The following ZBTB16 variants were observed in gnomAD, a reference collection of about 807,000 sequenced individuals.
ZBTB16 encodes zinc finger and BTB domain containing 16.
ZBTB16 carries 8 observed loss-of-function variants against 56.8 expected under a neutral mutation model. That is an observed-to-expected ratio of 0.14 (90% CI 0.08 to 0.25). The LOEUF (loss-of-function observed/expected upper bound fraction) is 0.25. Among genes scored for constraint, ZBTB16 ranks in the 10% least tolerant of loss-of-function variants. ZBTB16 has a pLI of 1.00. For missense variants in ZBTB16, 625 were observed against 903.0 expected (o/e 0.69, Z 3.95); for synonymous variants, 363 against 368.5 (o/e 0.98, Z 0.17).
At chr11:114,248,547 C>G (rs1944858064) in intron 6 of ZBTB16, among the ~76,000 whole-genome samples, 1 of 152,180 alleles carries the variant, frequency 6.6e-6, no homozygotes, top group Admixed American at 6.5e-5. Flanking sequence ...AGCTGGAAAA[C>G]AAAGACGCCC....
intron 4 of ZBTB16, among the ~76,000 whole-genome samples, chr11:114,211,851 G>C (rs1944003862): frequency 1.3e-5 from 2 of 152,222 alleles, no homozygotes; most frequent in Admixed American, 6.5e-5. Flanking sequence ...GATCTGGCCA[G>C]GCCTGGTTCG....
intron 3 of ZBTB16, among the ~76,000 whole-genome samples, chr11:114,157,134 A>AT (rs1942436735): frequency 6.6e-6 from 1 of 152,048 alleles, no homozygotes; most frequent in African/African-American, 2.4e-5. Flanking sequence ...CCTTGGAGTC[A>AT]TTTTTTAGGG....
At chr11:114,127,261 C>A (rs1463876756) in intron 2 of ZBTB16, among the ~76,000 whole-genome samples, 1 of 152,178 alleles carries the variant, frequency 6.6e-6, no homozygotes, top group African/African-American at 2.4e-5. Context: ...CTAGACGTCT[C>A]TTCTCTTCCA....
Position 114,100,076 on chromosome 11 carries a change from A to G in ZBTB16, c.1268+35508A>G, listed in dbSNP as rs373667565. 2.6e-3 allele frequency among the ~76,000 whole-genome samples: 401 copies of G among 152,356 alleles called. 2 individuals are homozygous for G. The highest frequency in any genetic ancestry group is 9.1e-3 in the African/African-American group (380 of 41,584). ...CTGCATTCTTGAGTTGGTGCCCTGC[A>G]CTGGGATTCCCATGGACTGGGAACA... is the stretch of plus-strand genomic sequence containing the variant. On this transcript the variant is annotated intron_variant, in intron 2 of 6. Transcript: ENST00000335953.
At chr11:114,228,207 TA>T (rs1944368456) in intron 4 of ZBTB16, among the ~76,000 whole-genome samples, 1 of 152,234 alleles carries the variant, frequency 6.6e-6, no homozygotes, top group South Asian at 2.1e-4. Flanking sequence ...CCATTTGTAA[TA>T]TAGAAATATG....
intron 4 of ZBTB16, among the ~76,000 whole-genome samples, chr11:114,231,810 A>G (rs1944445998): frequency 6.6e-6 from 1 of 152,212 alleles, no homozygotes; most frequent in Non-Finnish European, 1.5e-5. Context: ...AGTGGGAGAA[A>G]GGACCATTCA....
At chr11:114,116,752 A>G (rs1019939052) in intron 2 of ZBTB16, among the ~76,000 whole-genome samples, 1 of 152,170 alleles carries the variant, frequency 6.6e-6, no homozygotes, top group African/African-American at 2.4e-5. Context: ...CCCTAAGACA[A>G]TTGGTAAATG....
intron 2 of ZBTB16, among the ~76,000 whole-genome samples, chr11:114,109,537 C>T (rs1940928030): frequency 6.6e-6 from 1 of 152,180 alleles, no homozygotes; most frequent in South Asian, 2.1e-4. Flanking sequence ...TAGTTCCTTC[C>T]ATTGCCCCGA....
chr11:114,249,771 C>CATAAAAAAAAA (rs1944884821), intron 6 of ZBTB16, among the ~76,000 whole-genome samples: 1 of 59,336 alleles, frequency 1.7e-5, no homozygotes, highest in Non-Finnish European at 2.8e-5. Flanking sequence ...GACTCCGTCT[C>CATAAAAAAAAA]AAAAAAAAAA....
At chr11:114,220,023 C>T (rs972591746) in intron 4 of ZBTB16, among the ~76,000 whole-genome samples, 8 of 152,160 alleles carry the variant, frequency 5.3e-5, no homozygotes, top group Non-Finnish European at 5.9e-5. Flanking sequence ...TTGTCCCAGA[C>T]GAACTTCTCC....
At chr11:114,075,930 G>C (rs1939544889) in intron 2 of ZBTB16, among the ~76,000 whole-genome samples, 1 of 152,158 alleles carries the variant, frequency 6.6e-6, no homozygotes, top group Non-Finnish European at 1.5e-5. Context: ...TTCTAAGTGT[G>C]ATTTTTGCAG....
chr11:114,185,935 A>T (rs1157244379), intron 3 of ZBTB16, among the ~76,000 whole-genome samples: 3 of 152,236 alleles, frequency 2.0e-5, no homozygotes, highest in Non-Finnish European at 4.4e-5. Context: ...TATTTATTCC[A>T]CAAATATGTA....
intron 2 of ZBTB16, among the ~76,000 whole-genome samples, chr11:114,084,173 T>C (rs1039872467): frequency 3.3e-5 from 5 of 152,156 alleles, no homozygotes; most frequent in Non-Finnish European, 7.3e-5. Flanking sequence ...GCTGCAGTTA[T>C]TTTATTTTAT....
At chr11:114,104,609 G>A (rs185685506) in intron 2 of ZBTB16, among the ~76,000 whole-genome samples, 15 of 152,318 alleles carry the variant, frequency 9.8e-5, no homozygotes, top group African/African-American at 3.4e-4. Context: ...ATCAGATTCA[G>A]TGAAGGGATG....
intron 6 of ZBTB16, among the ~76,000 whole-genome samples, chr11:114,248,219 A>G (rs958711142): frequency 1.3e-5 from 2 of 152,222 alleles, no homozygotes; most frequent in African/African-American, 4.8e-5. Flanking sequence ...TTGTATTGGA[A>G]AAAGAAATGT....
At chr11:114,136,601 T>G (rs1326099572) in intron 2 of ZBTB16, among the ~76,000 whole-genome samples, 1 of 152,158 alleles carries the variant, frequency 6.6e-6, no homozygotes, top group East Asian at 1.9e-4. Flanking sequence ...GTTTGAGGGC[T>G]GTAGATGAGT....
intron 2 of ZBTB16, among the ~76,000 whole-genome samples, chr11:114,146,719 C>T (rs556614670): frequency 3.9e-5 from 6 of 151,960 alleles, no homozygotes; most frequent in East Asian, 1.9e-4. Flanking sequence ...CATGGTGGCT[C>T]ATGCCTGTAG....
chr11:114,135,985 G>T (rs940078979), intron 2 of ZBTB16, among the ~76,000 whole-genome samples: 1 of 152,114 alleles, frequency 6.6e-6, no homozygotes. Flanking sequence ...TCCTTCTTGT[G>T]GGGGAGATTC....
At chr11:114,183,657 G>T (rs1373870286) in intron 3 of ZBTB16, among the ~76,000 whole-genome samples, 26 of 152,316 alleles carry the variant, frequency 1.7e-4, no homozygotes, top group Non-Finnish European at 1.5e-5. Context: ...ACCCAAGGAA[G>T]AAATACAATT....
Sources: allele counts gnomAD v4.1 joint callset (sites outside exome capture counted in the v4.1 genomes callset), GRCh38; gene constraint gnomAD v4.1.1; transcripts MANE v1.5; gene names NCBI Gene and HGNC (gene_info 2026-07-23, HGNC 2026-07-21).